MAGI1: variants seen among roughly 807,000 people sequenced by gnomAD.
MAGI1 encodes membrane associated guanylate kinase, WW and PDZ domain containing 1.
MAGI1 carries 58 observed loss-of-function variants against 139.9 expected under a neutral mutation model. The ratio of observed to expected loss-of-function variants is 0.41; its 90% CI spans 0.34 to 0.52. The LOEUF is 0.52. MAGI1 is among the 20% of genes least tolerant of loss of function. The pLI is 0.12. For synonymous variants in MAGI1, 812 were observed against 737.9 expected (o/e 1.10, Z -1.63); for missense variants, 1,874 against 1,901.6 (o/e 0.99, Z 0.27).
chr3:65,593,575 T>C (rs1198649177), intron 2 of MAGI1, among the ~76,000 whole-genome samples: 1 of 152,218 alleles, frequency 6.6e-6, no homozygotes, highest in African/African-American at 2.4e-5. Flanking sequence ...TTATGTTTCA[T>C]TTTCTATTTT....
At chr3:65,391,409 T>C (rs2106993165) in intron 13 of MAGI1, 51 bp from the exon 14 acceptor site, 2 of 1,477,146 alleles carry the variant, frequency 1.4e-6, no homozygotes, top group Non-Finnish European at 1.9e-6. Context: ...TTATTGGTTC[T>C]CTGAATGGGT....
At chr3:65,631,797 T>C (rs2084322858) in intron 1 of MAGI1, among the ~76,000 whole-genome samples, 3 of 152,012 alleles carry the variant, frequency 2.0e-5, no homozygotes, top group Admixed American at 1.3e-4. Flanking sequence ...GTGGATCACA[T>C]GAGGTCACAT....
At chr3:65,632,499 A>G (rs918493397) in intron 1 of MAGI1, among the ~76,000 whole-genome samples, 3 of 152,232 alleles carry the variant, frequency 2.0e-5, no homozygotes, top group South Asian at 2.1e-4. Flanking sequence ...AAACTCTCAC[A>G]TCTAAAAAAT....
intron 4 of MAGI1, among the ~76,000 whole-genome samples, chr3:65,471,637 T>C (rs1950567269): frequency 6.6e-6 from 1 of 152,162 alleles, no homozygotes; most frequent in South Asian, 2.1e-4. Flanking sequence ...GGTATCCTTG[T>C]GGTGCCCCTC....
At chr3:65,932,841 TA>T (rs2062867349) in intron 1 of MAGI1, among the ~76,000 whole-genome samples, 1 of 152,198 alleles carries the variant, frequency 6.6e-6, no homozygotes, top group African/African-American at 2.4e-5. Flanking sequence ...GATAATAAAT[TA>T]TCCTTCCTGC....
intron 1 of MAGI1, among the ~76,000 whole-genome samples, chr3:65,764,569 A>C (rs2037317729): frequency 6.6e-6 from 1 of 152,210 alleles, no homozygotes; most frequent in Non-Finnish European, 1.5e-5. Flanking sequence ...TAAAGTTTTA[A>C]AAAAGGCTGA....
intron 1 of MAGI1, among the ~76,000 whole-genome samples, chr3:65,690,720 T>TCCCCCTC (rs2088526188): frequency 8.6e-6 from 1 of 115,862 alleles, no homozygotes; most frequent in African/African-American, 4.1e-5. Flanking sequence ...CCTCAAGTGA[T>TCCCCCTC]CCACCTCCCA....
At chr3:65,387,662 T>C (rs1943563536) in intron 14 of MAGI1, among the ~76,000 whole-genome samples, 1 of 152,204 alleles carries the variant, frequency 6.6e-6, no homozygotes, top group South Asian at 2.1e-4. Context: ...CTAATATCTG[T>C]TCAGGTGAAT....
intron 1 of MAGI1, among the ~76,000 whole-genome samples, chr3:65,726,463 G>GA (rs2033617826): frequency 6.6e-6 from 1 of 152,140 alleles, no homozygotes; most frequent in Non-Finnish European, 1.5e-5. Context: ...CCAAACCTTT[G>GA]AAAATCACAC....
intron 1 of MAGI1, among the ~76,000 whole-genome samples, chr3:66,011,836 C>CA (rs74963127): frequency 0.087 from 8,646 of 98,874 alleles, 453 homozygotes; most frequent in African/African-American, 0.2. Context: ...TATGCTGAAC[C>CA]AAAAAAAAAA....
At chr3:65,826,173 G>A (rs1025439027) in intron 1 of MAGI1, among the ~76,000 whole-genome samples, 16 of 152,000 alleles carry the variant, frequency 1.1e-4, no homozygotes, top group African/African-American at 3.6e-4. Context: ...ATCAATGACT[G>A]GAAGGATTAT....
intron 21 of MAGI1, 37 bp from the exon 22 acceptor site, chr3:65,361,374 T>C (rs374899069): frequency 6.2e-7 from 1 of 1,606,914 alleles, no homozygotes; most frequent in African/African-American, 1.3e-5. Context: ...AGATTTGAAA[T>C]TCATGTACGG....
chr3:65,818,435 A>G (rs2041745001), intron 1 of MAGI1, among the ~76,000 whole-genome samples: 1 of 152,184 alleles, frequency 6.6e-6, no homozygotes, highest in Non-Finnish European at 1.5e-5. Context: ...CACAGCGTGC[A>G]GTCAGAACAA....
chr3:65,747,570 A>C (rs2035806907), intron 1 of MAGI1, among the ~76,000 whole-genome samples: 1 of 152,216 alleles, frequency 6.6e-6, no homozygotes, highest in Non-Finnish European at 1.5e-5. Flanking sequence ...CTAAAAAGGT[A>C]AATATGCAGG....
chr3:65,631,970 A>G (rs1464292390), intron 1 of MAGI1, among the ~76,000 whole-genome samples: 1 of 151,814 alleles, frequency 6.6e-6, no homozygotes, highest in Non-Finnish European at 1.5e-5. Context: ...GGTTGCAGTG[A>G]GCCAAGATCA....
chr3:65,993,870 C>T (rs1199205446), intron 1 of MAGI1, among the ~76,000 whole-genome samples: 1 of 152,150 alleles, frequency 6.6e-6, no homozygotes, highest in Non-Finnish European at 1.5e-5. Flanking sequence ...TGCCCATAAC[C>T]TCTAGTCTGT....
rs1166914587 is a variant in MAGI1 at position 65,354,376 on chromosome 3, A to G, written c.*2002T>C. 1 of 152,672 alleles carries G rather than the reference A, an allele frequency of 6.5e-6. No homozygotes were observed. Among genetic ancestry groups the G allele is most frequent in the Non-Finnish European group, 1.5e-5 (1 of 68,046 alleles). The allele number at this position is 152,672 out of a possible 1,614,324, so 9.5% of individuals were successfully genotyped here. A position where few individuals can be genotyped will look rare whatever the true frequency, so the allele number is the denominator to read the frequency against. On this transcript the variant is annotated 3_prime_UTR_variant, in exon 23 of 23. Transcript: ENST00000402939. ...TATAAATGTCCACACAACTACAGCTACTCATTCTAATGTTATGTATAAACC... is the reference window on the plus strand; with the variant it reads ...TATAAATGTCCACACAACTACAGCTGCTCATTCTAATGTTATGTATAAACC...
At chr3:65,414,886 G>A (rs559801264) in intron 12 of MAGI1, among the ~76,000 whole-genome samples, 5 of 151,076 alleles carry the variant, frequency 3.3e-5, no homozygotes, top group South Asian at 2.1e-4. Context: ...AAAATTAGCC[G>A]GGTGTGGTGG....
intron 1 of MAGI1, among the ~76,000 whole-genome samples, chr3:65,801,983 A>G (rs2040541957): frequency 6.6e-6 from 1 of 152,048 alleles, no homozygotes; most frequent in Non-Finnish European, 1.5e-5. Context: ...TGAACTGCAC[A>G]TGTTGGGGAT....
Sources: gnomAD v4.1 joint callset for allele counts (sites outside exome capture counted in the v4.1 genomes callset) on GRCh38, gnomAD v4.1.1 for gene constraint, MANE v1.5 for transcripts, NCBI Gene and HGNC (gene_info 2026-07-23, HGNC 2026-07-21) for gene names.